Variants in CELF2 observed in about 807,000 individuals in gnomAD.
The protein encoded by CELF2 is CUGBP Elav-like family member 2, also known as CUG triplet repeat RNA-binding protein 2.
Under a neutral mutation model 62.6 loss-of-function variants are expected in CELF2, and 8 were observed. That is an observed-to-expected ratio of 0.13 (90% confidence interval 0.07 to 0.23). The LOEUF is 0.23. CELF2 is among the 10% of genes least tolerant of loss of function. The pLI, the probability that CELF2 is intolerant of heterozygous loss-of-function variation, is 1.00. For synonymous variants in CELF2, 258 were observed against 250.0 expected (o/e 1.03, Z -0.30); for missense variants, 333 against 671.0 (o/e 0.50, Z 5.56).
At chr10:10,847,408 T>A (rs2059085273) in intron 1 of CELF2, among the ~76,000 whole-genome samples, 1 of 152,180 alleles carries the variant, frequency 6.6e-6, no homozygotes, top group South Asian at 2.1e-4. Flanking sequence ...GAGAAAATGC[T>A]GTAGGAAGAC....
the CELF2 span, among the ~76,000 whole-genome samples, chr10:10,565,113 G>T: frequency 1.5e-3 from 225 of 152,258 alleles, 3 homozygotes; most frequent in Admixed American, 0.015. Context: ...TTGATAAAGG[G>T]GCTTATTTTC....
At chr10:11,172,393 A>G (rs2069206841) in intron 2 of CELF2, among the ~76,000 whole-genome samples, 1 of 152,258 alleles carries the variant, frequency 6.6e-6, no homozygotes, top group Non-Finnish European at 1.5e-5. Flanking sequence ...ATACAGCTAT[A>G]TTAAAAGATA....
rs560263207 is a variant in CELF2, at chr10:10,957,563, C to A, written c.89+37564C>A. 2.0e-4 allele frequency among the ~76,000 whole-genome samples: 30 copies of A among 152,290 alleles called. No homozygotes were observed. The South Asian group carries it at 6.0e-3, about 30-fold the overall frequency. ...GTCTTTCTTTCTCCCCATCCCTCCC[C>A]TCTCCCTAGATAGAGGGCAGAGAGG... On this transcript the variant is annotated intron_variant, in intron 2 of 13. Coordinates refer to the CELF2 transcript ENST00000636488. The surrounding 1 kb of genome is among the most constrained non-coding windows in gnomAD (Gnocchi z 4.1).
At chr10:10,516,374 A>G in the CELF2 span, among the ~76,000 whole-genome samples, 2 of 152,166 alleles carry the variant, frequency 1.3e-5, no homozygotes, top group Non-Finnish European at 2.9e-5. Context: ...GAAGTTTCCA[A>G]TATACTTTTA....
In CELF2 at chr10:11,295,475, G is replaced by A. The variant is rs193090994; in HGVS notation, c.976+6923G>A. 1.5e-3 allele frequency among the ~76,000 whole-genome samples: 225 copies of A among 152,290 alleles called. 1 individual carries two copies. The highest frequency in any genetic ancestry group is 5.3e-3 in the African/African-American group (221 of 41,564). On this transcript the variant is annotated intron_variant, in intron 9 of 12. Coordinates refer to ENST00000633077, the MANE Select transcript of CELF2 (RefSeq NM_001326342.2). ...TTTTGTATATCTTACGTTAAATTTT[G>A]TGAATGAGACCAAGAGTGGGAGAGG...
intron 3 of CELF2, among the ~76,000 whole-genome samples, chr10:11,232,269 T>C (rs867518719): frequency 1.4e-4 from 21 of 152,318 alleles, no homozygotes; most frequent in African/African-American, 4.3e-4. Flanking sequence ...ATTTCTGTTG[T>C]TTCAGTATCT....
the CELF2 span, among the ~76,000 whole-genome samples, chr10:10,529,823 A>G: frequency 6.6e-6 from 1 of 152,188 alleles, no homozygotes; most frequent in South Asian, 2.1e-4. Flanking sequence ...AAGGATGACA[A>G]AGATGTTCTA....
chr10:10,562,059 G>T, the CELF2 span, among the ~76,000 whole-genome samples: 1 of 152,178 alleles, frequency 6.6e-6, no homozygotes, highest in Non-Finnish European at 1.5e-5. Context: ...ACCCTACCAA[G>T]GTGACCAATC....
rs771037534 is a variant in CELF2, at chr10:10,963,210, C to A, written c.89+43211C>A. 3.9e-5 allele frequency among the ~76,000 whole-genome samples: 6 copies of A among 152,066 alleles called. No individual in the cohort carries two copies. The South Asian group carries it at 1.0e-3, about 26-fold the overall frequency. On this transcript the variant is annotated intron_variant, in intron 2 of 13. Coordinates refer to the CELF2 transcript ENST00000636488. ...CTGGGATTACAGGCACACGCCACCA[C>A]GTTCAGCTAATTTTTGTATTTTTTA...
chr10:10,870,328 A>T (rs866920094), intron 1 of CELF2, among the ~76,000 whole-genome samples: 1 of 152,172 alleles, frequency 6.6e-6, no homozygotes, highest in African/African-American at 2.4e-5. Flanking sequence ...TGTATTGCCT[A>T]TCTCGGGGTA....
chr10:10,476,657 A>G, the CELF2 span, among the ~76,000 whole-genome samples: 1 of 152,180 alleles, frequency 6.6e-6, no homozygotes, highest in Non-Finnish European at 1.5e-5. Context: ...GCCCTAACAG[A>G]TATCCAACTT....
At chr10:11,146,198 TA>T (rs2062240347) in intron 1 of CELF2, among the ~76,000 whole-genome samples, 1 of 152,232 alleles carries the variant, frequency 6.6e-6, no homozygotes, top group African/African-American at 2.4e-5. Context: ...AAATATTTTG[TA>T]GTATTTTACA....
chr10:11,049,642 C>T (rs928461240), intron 1 of CELF2, among the ~76,000 whole-genome samples: 1 of 151,080 alleles, frequency 6.6e-6, no homozygotes, highest in African/African-American at 2.4e-5. Context: ...TCTGTACTAC[C>T]TCACGCTTCC....
At chr10:10,939,574 C>T (rs913274899) in intron 2 of CELF2, among the ~76,000 whole-genome samples, 2 of 151,902 alleles carry the variant, frequency 1.3e-5, no homozygotes, top group East Asian at 1.9e-4. Context: ...GTGTGAGCCA[C>T]CCTACTCAGC....
chr10:11,212,810 A>C (rs540176345), intron 2 of CELF2, among the ~76,000 whole-genome samples: 280 of 149,484 alleles, frequency 1.9e-3, no homozygotes, highest in Middle Eastern at 7.0e-3. Flanking sequence ...AGGTCGCTGA[A>C]ACAAGGGATA....
chr10:10,851,834 A>G (rs544447331), intron 1 of CELF2, among the ~76,000 whole-genome samples: 18 of 152,338 alleles, frequency 1.2e-4, no homozygotes, highest in African/African-American at 4.3e-4. Context: ...TAGATGACCA[A>G]TAAGCATATA....
the CELF2 span, among the ~76,000 whole-genome samples, chr10:10,710,567 T>A: frequency 6.6e-6 from 1 of 152,194 alleles, no homozygotes; most frequent in East Asian, 1.9e-4. Flanking sequence ...ACAAACAGTT[T>A]GGGTGAAAAT....
chr10:10,482,867 C>T, the CELF2 span, among the ~76,000 whole-genome samples: 771 of 152,236 alleles, frequency 5.1e-3, 9 homozygotes, highest in African/African-American at 0.017. Context: ...TGACAAAGGA[C>T]GCCTCCCCTG....
intron 2 of CELF2, among the ~76,000 whole-genome samples, chr10:11,000,173 G>T (rs1455965675): frequency 6.7e-6 from 1 of 150,140 alleles, no homozygotes; most frequent in African/African-American, 2.5e-5. Context: ...TTGTTTGTTT[G>T]TTTTTTTAAT....
Sources: gnomAD v4.1 joint callset for allele counts (sites outside exome capture counted in the v4.1 genomes callset) on GRCh38, gnomAD v4.1.1 for gene constraint, Gnocchi (gnomAD v3.1) non-coding constraint, MANE v1.5 for transcripts, NCBI Gene and HGNC (gene_info 2026-07-23, HGNC 2026-07-21) for gene names.